CDH4: variants seen among roughly 807,000 people sequenced by gnomAD.
CDH4 encodes the protein cadherin 4.
Under a neutral mutation model 86.0 loss-of-function variants are expected in CDH4, and 33 were observed. The observed-to-expected ratio is 0.38, with a 90% CI of 0.29 to 0.51. The LOEUF (loss-of-function observed/expected upper bound fraction) is 0.51, where lower values mean the gene tolerates loss of function less well. Among genes scored for constraint, CDH4 ranks in the 20% least tolerant of loss-of-function variants. The pLI, the probability that CDH4 is intolerant of heterozygous loss-of-function variation, is 0.86. For synonymous variants in CDH4, 555 were observed against 549.4 expected, an observed-to-expected ratio of 1.01 and a Z score of -0.14; for missense variants, 1,114 against 1,307.4, an observed-to-expected ratio of 0.85 and a Z score of 2.28.
At chr20:61,682,105 A>T (rs1383807633) in intron 2 of CDH4, among the ~76,000 whole-genome samples, 3 of 152,072 alleles carry the variant, frequency 2.0e-5, no homozygotes, top group South Asian at 2.1e-4. Flanking sequence ...CACTACCTTC[A>T]TGGGGTGTGG....
intron 2 of CDH4, among the ~76,000 whole-genome samples, chr20:61,528,555 A>C (rs1315288315): frequency 6.6e-6 from 1 of 151,958 alleles, no homozygotes; most frequent in Non-Finnish European, 1.5e-5. Context: ...GGATCACTTA[A>C]GCCCAGGTAT....
At chr20:61,887,797 C>G (rs1370340605) in intron 7 of CDH4, among the ~76,000 whole-genome samples, 1 of 152,226 alleles carries the variant, frequency 6.6e-6, no homozygotes, top group Non-Finnish European at 1.5e-5. Flanking sequence ...CTCCTGTTTT[C>G]CAGTCTGGTC....
At chr20:61,280,479 C>A (rs2084252788) in intron 2 of CDH4, among the ~76,000 whole-genome samples, 1 of 152,180 alleles carries the variant, frequency 6.6e-6, no homozygotes, top group Non-Finnish European at 1.5e-5. Flanking sequence ...AAGTTCTCTT[C>A]CAACATGGCG....
At chr20:61,528,095 G>T (rs565207371) in intron 2 of CDH4, among the ~76,000 whole-genome samples, 1 of 152,178 alleles carries the variant, frequency 6.6e-6, no homozygotes, top group African/African-American at 2.4e-5. Context: ...GAAAAAACAG[G>T]CTGGGTGTGG....
chr20:61,348,823 T>G (rs1301001836), intron 2 of CDH4, among the ~76,000 whole-genome samples: 1 of 152,220 alleles, frequency 6.6e-6, no homozygotes, highest in Admixed American at 6.5e-5. Flanking sequence ...AGTAACTGTT[T>G]CTCTCTCAAG....
rs976166841 is a variant in CDH4 at position 61,829,280 on chromosome 20, T to C, written c.577-15388T>C. On this transcript the variant is annotated intron_variant, in intron 4 of 15. Coordinates refer to ENST00000614565, the MANE Select transcript of CDH4 (RefSeq NM_001794.5). This position sits in a 1 kb window ranked among gnomAD's most constrained non-coding sequence, Gnocchi z 4.2. Reference sequence around the variant, plus strand: ...TATTATGTGGGGTTTGTGTCCGGCTTCTTTCGCTGAGCATAATGTTTTCAA... The same window carrying C: ...TATTATGTGGGGTTTGTGTCCGGCTCCTTTCGCTGAGCATAATGTTTTCAA... Among the ~76,000 whole-genome samples the C allele has an allele frequency of 6.6e-6, 1 of 152,260 alleles. No individual in the cohort carries two copies.
chr20:61,698,175 G>A (rs1213515967), intron 2 of CDH4, among the ~76,000 whole-genome samples: 5 of 152,162 alleles, frequency 3.3e-5, no homozygotes, highest in Admixed American at 6.5e-5. Context: ...GCTCCACTCC[G>A]GACGGTCCCT....
At position 61,501,883 on chromosome 20, in the gene CDH4, G is replaced by A. The variant is rs1053894938; in HGVS notation, c.170-241680G>A. On this transcript the variant is annotated intron_variant, in intron 2 of 15. Coordinates refer to ENST00000614565, the MANE Select transcript of CDH4 (RefSeq NM_001794.5). This position sits in a 1 kb window ranked among gnomAD's most constrained non-coding sequence, Gnocchi z 4.2. ...CCTTGTATATACCTGTTGCGCCTGC[G>A]AGAACATGTTCTCCACTCCCCCAGC... is the stretch of plus-strand genomic sequence containing the variant. Among the ~76,000 whole-genome samples the A allele has an allele frequency of 3.9e-5, 6 of 152,106 alleles. No homozygotes were observed. The highest frequency in any genetic ancestry group is 2.6e-4 in the Admixed American group (4 of 15,274).
chr20:61,844,032 G>T (rs1982307363), intron 4 of CDH4, among the ~76,000 whole-genome samples: 1 of 152,138 alleles, frequency 6.6e-6, no homozygotes, highest in Admixed American at 6.5e-5. Context: ...TGTTTTTAAT[G>T]CTACCAGTGT....
intron 2 of CDH4, among the ~76,000 whole-genome samples, chr20:61,719,952 C>T (rs1049623774): frequency 6.6e-6 from 1 of 152,210 alleles, no homozygotes; most frequent in Non-Finnish European, 1.5e-5. Context: ...GGTGTGCTCC[C>T]TCCCAGAGTT....
intron 2 of CDH4, among the ~76,000 whole-genome samples, chr20:61,695,302 A>G (rs1055707041): frequency 7.2e-5 from 11 of 152,274 alleles, no homozygotes; most frequent in Admixed American, 6.5e-5. Context: ...CCCGGGAGGC[A>G]TGAACCAGCT....
chr20:61,793,349 A>G (rs928845876), intron 4 of CDH4, among the ~76,000 whole-genome samples: 1 of 152,180 alleles, frequency 6.6e-6, no homozygotes, highest in Non-Finnish European at 1.5e-5. Context: ...CAACTTAGAT[A>G]TTATAATGGA....
intron 4 of CDH4, among the ~76,000 whole-genome samples, chr20:61,800,557 A>G (rs7261921): frequency 0.16 from 24,376 of 152,264 alleles, 1,999 homozygotes; most frequent in Middle Eastern, 0.18. Context: ...ACACCTGCCC[A>G]AAGACACACA....
intron 2 of CDH4, among the ~76,000 whole-genome samples, chr20:61,280,429 C>T (rs562105826): frequency 8.1e-4 from 124 of 152,294 alleles, no homozygotes; most frequent in African/African-American, 2.7e-3. Flanking sequence ...GTGTAGGCCG[C>T]GGCACACACA....
At chr20:61,743,441 G>A (rs2088368492) in intron 2 of CDH4, 122 bp from the exon 3 acceptor site, 1 of 723,218 alleles carries the variant, frequency 1.4e-6, no homozygotes, top group Admixed American at 2.1e-5. Context: ...GGAGAAATCA[G>A]TGCAAACCTC....
At chr20:61,425,371 A>G (rs1037142685) in intron 2 of CDH4, among the ~76,000 whole-genome samples, 9 of 151,692 alleles carry the variant, frequency 5.9e-5, no homozygotes, top group African/African-American at 2.2e-4. Context: ...CGGCCAAGGG[A>G]GAGCCAGGAC....
intron 2 of CDH4, among the ~76,000 whole-genome samples, chr20:61,573,030 T>TTGGA (rs760571002): frequency 0.53 from 74,576 of 140,220 alleles, 20,762 homozygotes; most frequent in Non-Finnish European, 0.62. Context: ...GGATGGATGG[T>TTGGA]TGGATGGATG....
intron 2 of CDH4, among the ~76,000 whole-genome samples, chr20:61,345,690 G>T (rs751232287): frequency 5.3e-5 from 8 of 152,176 alleles, no homozygotes; most frequent in African/African-American, 9.6e-5. Flanking sequence ...GAGAGTTTGT[G>T]GTCACCCCTG....
intron 2 of CDH4, among the ~76,000 whole-genome samples, chr20:61,348,775 T>C (rs1193891864): frequency 6.6e-6 from 1 of 152,226 alleles, no homozygotes; most frequent in Non-Finnish European, 1.5e-5. Flanking sequence ...AAGGGCCTCT[T>C]TCTTCCTGGC....
Sources: allele counts gnomAD v4.1 joint callset (sites outside exome capture counted in the v4.1 genomes callset), GRCh38; gene constraint gnomAD v4.1.1; non-coding constraint Gnocchi (gnomAD v3.1); transcripts MANE v1.5; gene names NCBI Gene and HGNC (gene_info 2026-07-23, HGNC 2026-07-21).